Variants in DHX16 observed in about 807,000 individuals in gnomAD.
DHX16 encodes the protein DEAH-box helicase 16.
Under a neutral mutation model 131.2 loss-of-function variants are expected in DHX16, and 81 were observed. The ratio of observed to expected loss-of-function variants is 0.62; its 90% CI spans 0.52 to 0.74. The LOEUF (loss-of-function observed/expected upper bound fraction) is 0.74, where lower values mean the gene tolerates loss of function less well. Among genes scored for constraint, DHX16 ranks in the 30% least tolerant of loss-of-function variants. DHX16 has a pLI of 0.00. For missense variants in DHX16, 980 were observed against 1,363.1 expected, an observed-to-expected ratio of 0.72 and a Z score of 4.43; for synonymous variants, 440 against 520.2, an observed-to-expected ratio of 0.85 and a Z score of 2.10.
At chr6:30,657,435 C>T (rs1397604441) in intron 12 of DHX16, among the ~76,000 whole-genome samples, 1 of 151,770 alleles carries the variant, frequency 6.6e-6, no homozygotes, top group Non-Finnish European at 1.5e-5. Flanking sequence ...AGCCTCCTAA[C>T]GTGTATCCCT....
In DHX16 at chr6:30,656,039, T is replaced by C. The variant is rs1027481271; in HGVS notation, c.2498+159A>G. Among the ~76,000 whole-genome samples, 2 of 152,148 alleles carry C rather than the reference T, an allele frequency of 1.3e-5. No individual in the cohort carries two copies. Among genetic ancestry groups the C allele is most frequent in the African/African-American group, 2.4e-5 (1 of 41,436 alleles). The stretch of plus-strand genomic sequence containing the variant: ...AAGGATAGGATCAAGTGTCTTACCC[T>C]TGTGGGCCTCAAAAGGGGGCAATCA... On this transcript the variant is annotated intron_variant, in intron 16 of 19. Coordinates refer to ENST00000376442, the MANE Select transcript of DHX16 (RefSeq NM_003587.5). The surrounding 1 kb of genome is among the most constrained non-coding windows in gnomAD (Gnocchi z 5.1).
At chr6:30,669,432 T>A (rs1162787870) in intron 4 of DHX16, among the ~76,000 whole-genome samples, 1 of 150,650 alleles carries the variant, frequency 6.6e-6, no homozygotes, top group East Asian at 2.0e-4. Context: ...ATCTCAAAAA[T>A]AAATAAATAA....
Position 30,672,991 on chromosome 6 carries a change from T to G in DHX16, c.-150A>C, listed in dbSNP as rs1186726857. 2.1e-5 allele frequency: 33 copies of G among 1,550,804 alleles called. No homozygotes were observed. Among genetic ancestry groups the G allele is most frequent in the Non-Finnish European group, 2.9e-5 (33 of 1,146,742 alleles). On this transcript the variant is annotated 5_prime_UTR_variant, in exon 1 of 20. Transcript: ENST00000376442. ...CTAGGATCTTCCGACATCCCAAAGC[T>G]GTCTTCCCGTACCGCGGAGCCCGGA...
At chr6:30,668,771 G>C (rs538038359) in intron 4 of DHX16, among the ~76,000 whole-genome samples, 11 of 152,198 alleles carry the variant, frequency 7.2e-5, no homozygotes, top group Admixed American at 6.5e-4. Flanking sequence ...GAGATAAATT[G>C]GTCAGGAGAG....
chr6:30,664,200 G>A (rs971303848), intron 7 of DHX16, among the ~76,000 whole-genome samples: 4 of 149,574 alleles, frequency 2.7e-5, no homozygotes, highest in African/African-American at 9.9e-5. Context: ...AAATAAGGCA[G>A]GGGCTAGGCA....
intron 9 of DHX16, chr6:30,660,465 G>A: frequency 2.3e-6 from 1 of 430,200 alleles, no homozygotes. Context: ...AGCCTCAGCA[G>A]ATAATAGGAG....
Position 30,654,736 on chromosome 6 carries a change from A to G in DHX16, c.2967T>C (p.Leu989=), listed in dbSNP as rs1767799280. The G allele has an allele frequency of 6.2e-7, 1 of 1,612,726 alleles. No individual in the cohort carries two copies. The change falls in exon 19 of 20, where the codon CTT becomes CTC. Residue 989 remains leucine, a synonymous_variant. Transcript: ENST00000376442. ...TCATGAACTCTTTGGTGGTCAAGAC[A>G]AGTTCGTGGTAGAGCAGCCAGCGTG... The part of the protein sequence containing the change: ...QQPRWLLYHE[L]VLTTKEFMRQ...
intron 12 of DHX16, 49 bp from the exon 13 acceptor site, chr6:30,657,141 C>T (rs747119646): frequency 1.3e-6 from 2 of 1,562,546 alleles, no homozygotes; most frequent in East Asian, 2.3e-5. Flanking sequence ...TACCTAGTTA[C>T]CCAGAAAAAG....
At chr6:30,671,374 G>T in intron 1 of DHX16, 100 bp from the exon 2 acceptor site, 1 of 1,130,970 alleles carries the variant, frequency 8.8e-7, no homozygotes, top group Non-Finnish European at 1.3e-6. Context: ...AGTCTTTCCT[G>T]CCCCCGCGGC....
chr6:30,665,289 GA>G lies in DHX16; in HGVS notation c.922-16del. On this transcript the variant is annotated splice_polypyrimidine_tract_variant and intron_variant, in intron 5 of 19. Transcript: ENST00000376442. This position sits in a 1 kb window ranked among gnomAD's most constrained non-coding sequence, Gnocchi z 4.8. Reference sequence around the variant, plus strand: ...GCTCGGGCTGGCTACAGAGAGAGGGGATATGTGAAGACTCAAAAACAGGATG... The same window carrying G: ...GCTCGGGCTGGCTACAGAGAGAGGGGTATGTGAAGACTCAAAAACAGGATG... 1.9e-6 allele frequency: 3 copies of G among 1,599,850 alleles called. No individual in the cohort carries two copies. Among genetic ancestry groups the G allele is most frequent in the Non-Finnish European group, 2.5e-6 (3 of 1,178,792 alleles).
Position 30,656,214 on chromosome 6 carries a change from T to G in DHX16, c.2482A>C (p.Ile828Leu). 6.2e-7 allele frequency: 1 copy of G among 1,613,250 alleles called. No individual in the cohort carries two copies. The highest frequency in any genetic ancestry group is 8.5e-7 in the Non-Finnish European group (1 of 1,180,010). ...AGGGCTTACTTCTCAGAGGCTAAGA[T>G]CATTTTGGACAGCATGGGGTCCACC... ...LPVDPMLSKM[I>L]LASEKYSCSE... The change falls in exon 16 of 20, where the codon ATC becomes CTC. Residue 828 changes from isoleucine (I) to leucine (L), a missense_variant. Physicochemically the swap from Ile to Leu is conservative, Grantham distance 5. Transcript: ENST00000376442. This position sits in a 1 kb window ranked among gnomAD's most constrained non-coding sequence, Gnocchi z 5.1.
rs767416745 is a variant in DHX16, at chr6:30,657,078, C to T, written c.2022G>A (p.Thr674=). 144 of 1,612,562 alleles carry T rather than the reference C, an allele frequency of 8.9e-5. 1 individual carries two copies. Among genetic ancestry groups the T allele is most frequent in the South Asian group, 2.4e-4 (22 of 91,008 alleles). ...TGGTGAGTGATGTCTCAGCAATGTTCGTTGCCACAACCACCTGAGTGATAG... is the reference window on the plus strand; with the variant it reads ...TGGTGAGTGATGTCTCAGCAATGTTTGTTGCCACAACCACCTGAGTGATAG... ...PPGARKVVVA[T]NIAETSLTIE... The change falls in exon 13 of 20, where the codon ACG becomes ACA. Residue 674 remains threonine (T), a synonymous_variant. Coordinates refer to ENST00000376442, the MANE Select transcript of DHX16 (RefSeq NM_003587.5).
Position 30,653,378 on chromosome 6 carries a change from A to G in DHX16, c.2998-8T>C. 1 of 1,594,090 alleles carries G rather than the reference A, an allele frequency of 6.3e-7. No individual in the cohort carries two copies. On this transcript the variant is annotated splice_polypyrimidine_tract_variant and splice_region_variant and intron_variant, in intron 19 of 19. Transcript: ENST00000376442. Reference sequence around the variant, plus strand: ...GCTCTCAATCTCCAGTACCTAGGAGAGAGAAAAGATCAATGGAGTTCCCTT... The same window carrying G: ...GCTCTCAATCTCCAGTACCTAGGAGGGAGAAAAGATCAATGGAGTTCCCTT...
rs767164291 is a variant in DHX16, at chr6:30,656,187, C to T, written c.2498+11G>A. On this transcript the variant is annotated intron_variant, in intron 16 of 19. Transcript: ENST00000376442. This position sits in a 1 kb window ranked among gnomAD's most constrained non-coding sequence, Gnocchi z 5.1. The stretch of plus-strand genomic sequence containing the variant: ...TGTGTGCTGGGGGCCCAGGTGGAGG[C>T]GAGGGCTTACTTCTCAGAGGCTAAG... The T allele has an allele frequency of 1.4e-5, 23 of 1,612,058 alleles. No individual in the cohort carries two copies. Among genetic ancestry groups the T allele is most frequent in the Non-Finnish European group, 1.7e-5 (20 of 1,179,932 alleles).
chr6:30,662,858 T>C lies in DHX16; in HGVS notation c.1428+53A>G. On this transcript the variant is annotated intron_variant, in intron 8 of 19. Transcript: ENST00000376442. The surrounding 1 kb of genome is among the most constrained non-coding windows in gnomAD (Gnocchi z 4.7). ...CTGCTGTAGGGACCTGAGGGAACTGTAGACTGAGTCACAGACCCCAGACTC... is the reference window on the plus strand; with the variant it reads ...CTGCTGTAGGGACCTGAGGGAACTGCAGACTGAGTCACAGACCCCAGACTC... 26 of 1,578,746 alleles carry C rather than the reference T, an allele frequency of 1.6e-5. No homozygotes were observed. Among genetic ancestry groups the C allele is most frequent in the Non-Finnish European group, 2.1e-5 (24 of 1,150,206 alleles).
intron 9 of DHX16, 188 bp from the exon 10 acceptor site, chr6:30,660,430 G>A: frequency 2.1e-6 from 1 of 469,646 alleles, no homozygotes; most frequent in South Asian, 5.5e-5. Context: ...AGAAGGCCAG[G>A]GCCCCATGAT....
In DHX16 at chr6:30,656,124, C is replaced by A. The variant is rs1191112850; in HGVS notation, c.2498+74G>T. On this transcript the variant is annotated intron_variant, in intron 16 of 19. Coordinates refer to ENST00000376442, the MANE Select transcript of DHX16 (RefSeq NM_003587.5). The surrounding 1 kb of genome is among the most constrained non-coding windows in gnomAD (Gnocchi z 5.1). ...AGTATGATGAACAGAAAAAGACAGACAAAGGGGACCCTGGAGACAGAGGAG... is the reference window on the plus strand; with the variant it reads ...AGTATGATGAACAGAAAAAGACAGAAAAAGGGGACCCTGGAGACAGAGGAG... 1.4e-6 allele frequency: 2 copies of A among 1,431,548 alleles called. No homozygotes were observed. Among genetic ancestry groups the A allele is most frequent in the African/African-American group, 2.8e-5 (2 of 71,270 alleles). 88.7% of individuals were successfully genotyped at this position (1,431,548 alleles called of 1,614,324 possible).
Position 30,670,422 on chromosome 6 carries a change from G to A in DHX16, c.654C>T (p.Asp218=). ...CCCTGGGACTCACCATGGCCTTCCG[G>A]TCTTCCTCGGCCATCTTGAGGCGCT... is the stretch of plus-strand genomic sequence containing the variant. ...AQKRLKMAEE[D]RKAMVPELRK... Residue 218 remains aspartate, a synonymous_variant, in exon 4 of 20, where the codon GAC becomes GAT. Transcript: ENST00000376442. The surrounding 1 kb of genome is among the most constrained non-coding windows in gnomAD (Gnocchi z 4.4). The A allele has an allele frequency of 6.2e-7, 1 of 1,610,738 alleles. No individual in the cohort carries two copies. The highest frequency in any genetic ancestry group is 1.1e-5 in the South Asian group (1 of 90,530).
intron 4 of DHX16, among the ~76,000 whole-genome samples, chr6:30,669,160 A>T (rs1018602177): frequency 4.6e-5 from 7 of 152,202 alleles, no homozygotes; most frequent in Non-Finnish European, 4.4e-5. Context: ...GTAGTGGCTC[A>T]TGCCTATAAT....
Sources: gnomAD v4.1 joint callset for allele counts (sites outside exome capture counted in the v4.1 genomes callset) on GRCh38, gnomAD v4.1.1 for gene constraint, Gnocchi (gnomAD v3.1) non-coding constraint, MANE v1.5 for transcripts, NCBI Gene and HGNC (gene_info 2026-07-23, HGNC 2026-07-21) for gene names.